Variants in SPOCK3 observed in about 807,000 individuals in gnomAD.
SPOCK3 encodes testican-3.
SPOCK3 carries 30 observed loss-of-function variants against 56.6 expected under a neutral mutation model. The observed-to-expected ratio is 0.53, with a 90% CI of 0.40 to 0.72. The LOEUF (loss-of-function observed/expected upper bound fraction) is 0.72, where lower values mean the gene tolerates loss of function less well. Among genes scored for constraint, SPOCK3 ranks in the 30% least tolerant of loss-of-function variants. The pLI is 0.00. For missense variants in SPOCK3, 527 were observed against 530.0 expected, an observed-to-expected ratio of 0.99 and a Z score of 0.06; for synonymous variants, 196 against 183.3, an observed-to-expected ratio of 1.07 and a Z score of -0.56.
chr4:167,140,505 G>T (rs1013433205), intron 2 of SPOCK3, among the ~76,000 whole-genome samples: 21 of 151,874 alleles, frequency 1.4e-4, no homozygotes, highest in Non-Finnish European at 2.9e-4. Flanking sequence ...GAACTTATCT[G>T]CCTGAAGAAA....
intron 9 of SPOCK3, among the ~76,000 whole-genome samples, chr4:166,740,202 T>C (rs1319512621): frequency 6.6e-6 from 1 of 152,094 alleles, no homozygotes; most frequent in Non-Finnish European, 1.5e-5. Context: ...ATATAACAAG[T>C]GATCAATTTC....
intron 5 of SPOCK3, 72 bp downstream of exon 5, chr4:166,912,548 G>T: frequency 7.3e-7 from 1 of 1,365,210 alleles, no homozygotes; most frequent in Non-Finnish European, 1.0e-6. Flanking sequence ...CATTGGATAA[G>T]CAATGGTTTT....
chr4:167,122,997 G>A (rs1761984533), intron 2 of SPOCK3, among the ~76,000 whole-genome samples: 1 of 151,516 alleles, frequency 6.6e-6, no homozygotes, highest in Non-Finnish European at 1.5e-5. Context: ...CAGAGCTAAA[G>A]AGATTATTTA....
At chr4:166,903,953 G>C (rs1485908185) in intron 5 of SPOCK3, among the ~76,000 whole-genome samples, 2 of 151,812 alleles carry the variant, frequency 1.3e-5, no homozygotes, top group African/African-American at 2.4e-5. Context: ...ATTATAAACT[G>C]ATATAGATAG....
chr4:166,987,236 C>T (rs2558134), intron 4 of SPOCK3, among the ~76,000 whole-genome samples: 55 of 152,242 alleles, frequency 3.6e-4, no homozygotes, highest in Non-Finnish European at 6.5e-4. Flanking sequence ...AAGTCCGTTT[C>T]TGCTACAAGA....
At chr4:166,931,369 A>C (rs2149997545) in intron 4 of SPOCK3, among the ~76,000 whole-genome samples, 1 of 152,254 alleles carries the variant, frequency 6.6e-6, no homozygotes, top group East Asian at 1.9e-4. Flanking sequence ...AGTTGCTTTT[A>C]GCCCTGCAAT....
At chr4:167,042,720 G>A (rs918246868) in intron 3 of SPOCK3, among the ~76,000 whole-genome samples, 2 of 152,088 alleles carry the variant, frequency 1.3e-5, no homozygotes, top group Admixed American at 6.6e-5. Flanking sequence ...GCTTTCATTA[G>A]AACATCTTCA....
intron 6 of SPOCK3, among the ~76,000 whole-genome samples, chr4:166,874,576 C>A (rs934144056): frequency 3.3e-5 from 5 of 152,168 alleles, no homozygotes; most frequent in Admixed American, 1.3e-4. Flanking sequence ...AATTGCTAAT[C>A]TCCTCAATGT....
At chr4:167,124,523 T>C (rs1453116348) in intron 2 of SPOCK3, among the ~76,000 whole-genome samples, 1 of 152,162 alleles carries the variant, frequency 6.6e-6, no homozygotes, top group African/African-American at 2.4e-5. Context: ...TTGATGCCCT[T>C]TTCTCCCCCA....
chr4:167,199,498 C>A (rs1733300960), intron 2 of SPOCK3, among the ~76,000 whole-genome samples: 1 of 151,762 alleles, frequency 6.6e-6, no homozygotes, highest in Admixed American at 6.6e-5. Flanking sequence ...TTCTTAAGAG[C>A]CATTTTAGCT....
At chr4:166,967,857 T>A (rs1744917935) in intron 4 of SPOCK3, among the ~76,000 whole-genome samples, 1 of 152,210 alleles carries the variant, frequency 6.6e-6, no homozygotes. Context: ...AGGGAAAGTT[T>A]GGAACTTCCT....
chr4:167,209,414 A>G (rs1290193476), intron 2 of SPOCK3, among the ~76,000 whole-genome samples: 2 of 152,154 alleles, frequency 1.3e-5, no homozygotes, highest in Non-Finnish European at 2.9e-5. Flanking sequence ...AATAAAAATG[A>G]TATTTCAAAG....
intron 6 of SPOCK3, among the ~76,000 whole-genome samples, chr4:166,819,227 T>G (rs1444266528): frequency 4.6e-5 from 7 of 152,048 alleles, no homozygotes; most frequent in Admixed American, 4.6e-4. Context: ...TTCCTCAATC[T>G]GACAAAGGGC....
intron 7 of SPOCK3, among the ~76,000 whole-genome samples, chr4:166,781,141 A>T (rs1740121452): frequency 1.3e-5 from 2 of 152,206 alleles, no homozygotes; most frequent in Non-Finnish European, 2.9e-5. Context: ...CAATATATCC[A>T]GTTTTAACCA....
At chr4:166,861,641 G>A (rs935426660) in intron 6 of SPOCK3, among the ~76,000 whole-genome samples, 14 of 152,026 alleles carry the variant, frequency 9.2e-5, no homozygotes, top group Non-Finnish European at 1.6e-4. Context: ...CTCCAGCCAG[G>A]TGCTCCAATA....
intron 3 of SPOCK3, among the ~76,000 whole-genome samples, chr4:167,038,582 A>G (rs937204058): frequency 6.7e-6 from 1 of 149,058 alleles, no homozygotes; most frequent in Admixed American, 6.9e-5. Flanking sequence ...GTGTCACATG[A>G]CCACTCCCAG....
chr4:166,921,987 G>A (rs1738547019), intron 4 of SPOCK3, among the ~76,000 whole-genome samples: 1 of 152,138 alleles, frequency 6.6e-6, no homozygotes, highest in Admixed American at 6.5e-5. Flanking sequence ...TTAGGAACCG[G>A]GCTGCACAGT....
At chr4:166,755,390 G>A (rs1178751185) in intron 7 of SPOCK3, among the ~76,000 whole-genome samples, 2 of 152,178 alleles carry the variant, frequency 1.3e-5, no homozygotes, top group Middle Eastern at 3.4e-3. Context: ...GACGGAACTG[G>A]GTTTGTATTC....
At chr4:167,008,200 TA>T (rs933484622) in intron 3 of SPOCK3, among the ~76,000 whole-genome samples, 11 of 151,940 alleles carry the variant, frequency 7.2e-5, no homozygotes, top group Admixed American at 2.0e-4. Context: ...GTTGAAGGTC[TA>T]AAAAAATGTA....
Sources: allele counts gnomAD v4.1 joint callset (sites outside exome capture counted in the v4.1 genomes callset), GRCh38; gene constraint gnomAD v4.1.1; transcripts MANE v1.5; gene names NCBI Gene and HGNC (gene_info 2026-07-23, HGNC 2026-07-21).